Variants in TBC1D16 observed in about 807,000 individuals in gnomAD.
TBC1D16 encodes TBC1 domain family member 16, also known as CTD-2529O21.1.
Under a neutral mutation model 74.7 loss-of-function variants are expected in TBC1D16, and 58 were observed. The ratio of observed to expected loss-of-function variants is 0.78; its 90% confidence interval spans 0.63 to 0.97. The LOEUF is 0.97. Among genes scored for constraint, TBC1D16 ranks in the 50% least tolerant of loss-of-function variants. TBC1D16 has a pLI of 0.00. For synonymous variants in TBC1D16, 493 were observed against 474.7 expected (o/e 1.04, Z -0.50); for missense variants, 1,014 against 1,079.5 (o/e 0.94, Z 0.85).
At chr17:79,968,688 CT>C (rs1456461016) in intron 3 of TBC1D16, among the ~76,000 whole-genome samples, 1 of 151,652 alleles carries the variant, frequency 6.6e-6, no homozygotes. Context: ...CTTGTCTCTA[CT>C]AAAAATACAA....
chr17:80,015,196 G>A (rs577759690), intron 1 of TBC1D16, among the ~76,000 whole-genome samples: 2 of 152,224 alleles, frequency 1.3e-5, no homozygotes, highest in East Asian at 1.9e-4. Context: ...TTGGGGGGCC[G>A]AGGCAGGTGG....
chr17:79,982,929 A>G (rs761135614), intron 3 of TBC1D16, among the ~76,000 whole-genome samples: 2 of 152,186 alleles, frequency 1.3e-5, no homozygotes, highest in Non-Finnish European at 2.9e-5. Flanking sequence ...TGTAAAATAA[A>G]TAATATGACA....
In TBC1D16 at chr17:80,025,388, T is replaced by C. The variant is rs577675374; in HGVS notation, c.-63+10407A>G. ...TCCCTACCCAGCCCCCATGCTGGTC[T>C]GTCTTGGGTCCATAAACACAAGTCA... On this transcript the variant is annotated intron_variant, in intron 1 of 11. Transcript: ENST00000310924. Among the ~76,000 whole-genome samples the C allele has an allele frequency of 3.3e-3, 490 of 150,140 alleles. 9 individuals carry two copies. Among genetic ancestry groups the C allele is most frequent in the Non-Finnish European group, 5.4e-3 (369 of 68,010 alleles).
chr17:79,974,315 T>C (rs1463495046), intron 3 of TBC1D16, among the ~76,000 whole-genome samples: 2 of 152,198 alleles, frequency 1.3e-5, no homozygotes, highest in African/African-American at 4.8e-5. Context: ...CTCGGTTCAC[T>C]GCAACTTCCG....
In TBC1D16 at chr17:79,950,654, G is replaced by C. The variant is rs999716329; in HGVS notation, c.1090-76C>G. ...CAGAGGCCAGCAGTGCTTTTCCCAGGAATAAAAGCCTCTCTCTCTTCTGAA... is the reference window on the plus strand; with the variant it reads ...CAGAGGCCAGCAGTGCTTTTCCCAGCAATAAAAGCCTCTCTCTCTTCTGAA... On this transcript the variant is annotated intron_variant, in intron 5 of 11. Coordinates refer to ENST00000310924, the MANE Select transcript of TBC1D16 (RefSeq NM_019020.4). The surrounding 1 kb of genome is among the most constrained non-coding windows in gnomAD (Gnocchi z 4.6). 4 of 1,564,530 alleles carry C rather than the reference G, an allele frequency of 2.6e-6. No homozygotes were observed. In the African/African-American group the frequency reaches 5.4e-5, roughly 21 times the overall value.
intron 3 of TBC1D16, among the ~76,000 whole-genome samples, chr17:79,969,184 C>T (rs1379442876): frequency 6.6e-6 from 1 of 151,992 alleles, no homozygotes; most frequent in East Asian, 1.9e-4. Context: ...GTCAGGAGTT[C>T]GAGACCAGCC....
At position 79,971,003 on chromosome 17, in the gene TBC1D16, A is replaced by T. The variant is rs928461866; in HGVS notation, c.780-18185T>A. Among the ~76,000 whole-genome samples the T allele has an allele frequency of 3.9e-4, 60 of 152,020 alleles. No homozygotes were observed. The highest frequency in any genetic ancestry group is 1.4e-3 in the African/African-American group (57 of 41,514). On this transcript the variant is annotated intron_variant, in intron 3 of 11. Transcript: ENST00000310924. This position sits in a 1 kb window ranked among gnomAD's most constrained non-coding sequence, Gnocchi z 4.6. The stretch of plus-strand genomic sequence containing the variant: ...TCATATTGTAAATAATTTTACATTA[A>T]TATACACTCCCTGTATTTTTATTTT...
At position 79,950,384 on chromosome 17, in the gene TBC1D16, GGCCA is replaced by G; in HGVS notation, c.1257+23_1257+26del. On this transcript the variant is annotated intron_variant, in intron 6 of 11. Coordinates refer to ENST00000310924, the MANE Select transcript of TBC1D16 (RefSeq NM_019020.4). This position sits in a 1 kb window ranked among gnomAD's most constrained non-coding sequence, Gnocchi z 4.6. ...CCGGTTCCCGGCCGGCTCTCCGCGG[GGCCA>G]GCTGGGCGGACCCGGACCTCACCTT... 1 of 1,577,872 alleles carries G rather than the reference GGCCA, an allele frequency of 6.3e-7. No homozygotes were observed. Among genetic ancestry groups the G allele is most frequent in the Non-Finnish European group, 8.6e-7 (1 of 1,162,484 alleles).
intron 1 of TBC1D16, among the ~76,000 whole-genome samples, chr17:80,029,752 G>A (rs1369075853): frequency 6.6e-6 from 1 of 152,176 alleles, no homozygotes; most frequent in Non-Finnish European, 1.5e-5. Flanking sequence ...TACGGCTGCT[G>A]TGACAAATGA....
In TBC1D16 at chr17:79,935,827, G is replaced by A. The variant is rs3743; in HGVS notation, c.*5032C>T. 45,229 of 152,048 alleles carry A rather than the reference G, an allele frequency of 0.3. 6,995 individuals are homozygous for A. Among genetic ancestry groups the A allele is most frequent in the East Asian group, 0.42 (2,154 of 5,166 alleles). 9.4% of individuals were successfully genotyped at this position (152,048 alleles called of 1,614,324 possible). ...CATCAGTAATCTATTGGTAATGGTGGAAATTTCATGAAAATTTCCCCTAAA... is the reference window on the plus strand; with the variant it reads ...CATCAGTAATCTATTGGTAATGGTGAAAATTTCATGAAAATTTCCCCTAAA... On this transcript the variant is annotated 3_prime_UTR_variant, in exon 12 of 12. Coordinates refer to ENST00000310924, the MANE Select transcript of TBC1D16 (RefSeq NM_019020.4).
chr17:79,959,681 A>G (rs1217161924), intron 3 of TBC1D16, among the ~76,000 whole-genome samples: 1 of 152,176 alleles, frequency 6.6e-6, no homozygotes, highest in Non-Finnish European at 1.5e-5. Context: ...AATTAACATC[A>G]ACTCTTTTCT....
At chr17:80,023,033 C>T (rs977360966) in intron 1 of TBC1D16, among the ~76,000 whole-genome samples, 14 of 150,080 alleles carry the variant, frequency 9.3e-5, no homozygotes, top group African/African-American at 3.6e-4. Flanking sequence ...TGGTCCACAC[C>T]CTCTCAGCTG....
chr17:80,031,211 C>T (rs560134984), intron 1 of TBC1D16, among the ~76,000 whole-genome samples: 1 of 152,214 alleles, frequency 6.6e-6, no homozygotes, highest in East Asian at 1.9e-4. Context: ...TCAGTCTCAT[C>T]AGGAGGATAA....
chr17:79,937,604 CTG>C lies in TBC1D16; in HGVS notation c.*3253_*3254del, dbSNP rs1256824710. 5 of 152,394 alleles carry C rather than the reference CTG, an allele frequency of 3.3e-5. No homozygotes were observed. The highest frequency in any genetic ancestry group is 4.8e-5 in the African/African-American group (2 of 41,476). 9.4% of individuals were successfully genotyped at this position (152,394 alleles called of 1,614,324 possible). ...GGGTGGGCTGGGGCCCTCCCTCCCT[CTG>C]TACTTGATCCATGACTTGTGAGTTC... On this transcript the variant is annotated 3_prime_UTR_variant, in exon 12 of 12. Coordinates refer to ENST00000310924, the MANE Select transcript of TBC1D16 (RefSeq NM_019020.4).
At chr17:79,996,474 T>C (rs1262521017) in intron 3 of TBC1D16, among the ~76,000 whole-genome samples, 3 of 152,078 alleles carry the variant, frequency 2.0e-5, no homozygotes, top group Non-Finnish European at 4.4e-5. Flanking sequence ...AAAATAATAG[T>C]GACAACCTCA....
At chr17:80,034,334 G>A (rs1263869947) in intron 1 of TBC1D16, among the ~76,000 whole-genome samples, 1 of 151,444 alleles carries the variant, frequency 6.6e-6, no homozygotes, top group Non-Finnish European at 1.5e-5. Context: ...CTGAGTACTG[G>A]GATTACAGGC....
At chr17:80,017,571 C>A (rs779729864) in intron 1 of TBC1D16, among the ~76,000 whole-genome samples, 1 of 150,268 alleles carries the variant, frequency 6.7e-6, no homozygotes. Flanking sequence ...ATCCCAGCTA[C>A]TCGGGAGGCT....
chr17:79,938,220 A>G lies in TBC1D16; in HGVS notation c.*2639T>C, dbSNP rs1182895364. On this transcript the variant is annotated 3_prime_UTR_variant, in exon 12 of 12. Coordinates refer to ENST00000310924, the MANE Select transcript of TBC1D16 (RefSeq NM_019020.4). ...GGGGCTTCTCCATCCCCCGCGGAGC[A>G]GCGTCTCCTCCGCCAAGCCCTGAAC... 6.6e-6 allele frequency: 1 copy of G among 152,188 alleles called. No homozygotes were observed. The highest frequency in any genetic ancestry group is 1.5e-5 in the Non-Finnish European group (1 of 68,058). 9.4% of individuals were successfully genotyped at this position (152,188 alleles called of 1,614,324 possible).
Position 79,950,360 on chromosome 17 carries a change from CGGTT to C in TBC1D16, c.1257+47_1257+50del. On this transcript the variant is annotated intron_variant, in intron 6 of 11. Transcript: ENST00000310924. This position sits in a 1 kb window ranked among gnomAD's most constrained non-coding sequence, Gnocchi z 4.6. Reference sequence around the variant, plus strand: ...GCCCTCCTTCCCTCTCGCTCGTTCCCGGTTCCCGGCCGGCTCTCCGCGGGGCCAG... The same window carrying C: ...GCCCTCCTTCCCTCTCGCTCGTTCCCCCCGGCCGGCTCTCCGCGGGGCCAG... The C allele has an allele frequency of 6.5e-7, 1 of 1,532,184 alleles. No individual in the cohort carries two copies. Among genetic ancestry groups the C allele is most frequent in the Admixed American group, 1.9e-5 (1 of 51,690 alleles). 94.9% of individuals were successfully genotyped at this position (1,532,184 alleles called of 1,614,324 possible).
Sources: gnomAD v4.1 joint callset for allele counts (sites outside exome capture counted in the v4.1 genomes callset) on GRCh38, gnomAD v4.1.1 for gene constraint, Gnocchi (gnomAD v3.1) non-coding constraint, MANE v1.5 for transcripts, NCBI Gene and HGNC (gene_info 2026-07-23, HGNC 2026-07-21) for gene names.